Variants in ACOXL observed in about 807,000 individuals in gnomAD.
ACOXL encodes the protein acyl-coenzyme A oxidase-like protein.
A neutral mutation model predicts 71.9 loss-of-function variants in ACOXL; 70 were observed. The observed-to-expected ratio is 0.97, with a 90% CI of 0.80 to 1.19. The LOEUF is 1.19. Ranked by LOEUF, ACOXL falls within the 50% of genes most tolerant of loss-of-function variation. ACOXL has a pLI of 0.00. For synonymous variants in ACOXL, 253 were observed against 281.6 expected (o/e 0.90, Z 1.02); for missense variants, 703 against 736.3 (o/e 0.95, Z 0.52).
intron 16 of ACOXL, among the ~76,000 whole-genome samples, chr2:111,064,942 T>A (rs2066992981): frequency 6.6e-6 from 1 of 152,220 alleles, no homozygotes; most frequent in African/African-American, 2.4e-5. Flanking sequence ...CCATATCGAA[T>A]ACAGGTTTAA....
chr2:110,835,309 C>T (rs1690315648), intron 9 of ACOXL, among the ~76,000 whole-genome samples: 1 of 151,856 alleles, frequency 6.6e-6, no homozygotes, highest in Non-Finnish European at 1.5e-5. Context: ...ATGGTAACAT[C>T]ATAAAGTAAG....
At chr2:110,806,401 G>T (rs1170782755) in intron 9 of ACOXL, among the ~76,000 whole-genome samples, 1 of 152,230 alleles carries the variant, frequency 6.6e-6, no homozygotes, top group Non-Finnish European at 1.5e-5. Context: ...AGGGGCTCAG[G>T]TCCCTTGGCT....
chr2:110,919,867 C>T (rs1312096860), intron 11 of ACOXL, among the ~76,000 whole-genome samples: 1 of 152,148 alleles, frequency 6.6e-6, no homozygotes, highest in Non-Finnish European at 1.5e-5. Flanking sequence ...CAGATTCATC[C>T]ATGTCATTGT....
intron 9 of ACOXL, among the ~76,000 whole-genome samples, chr2:110,825,340 A>C (rs1689045652): frequency 6.6e-6 from 1 of 152,000 alleles, no homozygotes; most frequent in Admixed American, 6.6e-5. Context: ...CAATTAAAAA[A>C]CCGGAAAGCT....
chr2:111,013,952 T>A (rs2149680994), intron 14 of ACOXL, among the ~76,000 whole-genome samples: 1 of 152,286 alleles, frequency 6.6e-6, no homozygotes, highest in Admixed American at 6.5e-5. Context: ...AACATGTCAA[T>A]AAAATATACA....
chr2:110,776,190 C>G (rs1055926496), intron 2 of ACOXL, among the ~76,000 whole-genome samples: 1 of 152,090 alleles, frequency 6.6e-6, no homozygotes, highest in Non-Finnish European at 1.5e-5. Context: ...ATACGGTACA[C>G]TGTTACATGA....
intron 12 of ACOXL, among the ~76,000 whole-genome samples, chr2:110,986,586 G>A (rs2062943174): frequency 6.6e-6 from 1 of 152,170 alleles, no homozygotes; most frequent in African/African-American, 2.4e-5. Flanking sequence ...GGCTAGCCAT[G>A]GACATCTTCT....
rs117265189 is a variant in ACOXL at position 110,945,223 on chromosome 2, T to A, written c.1059+11581T>A. Among the ~76,000 whole-genome samples, 46 of 152,372 alleles carry A rather than the reference T, an allele frequency of 3.0e-4. No homozygotes were observed. In the East Asian group the frequency reaches 5.4e-3, roughly 18 times the overall value. Reference sequence around the variant, plus strand: ...GGTTTTTACTTGTTAATTGTTTAAGTTCCTTCTGGATGTTAGACCTTTGTT... The same window carrying A: ...GGTTTTTACTTGTTAATTGTTTAAGATCCTTCTGGATGTTAGACCTTTGTT... On this transcript the variant is annotated intron_variant, in intron 12 of 17. Transcript: ENST00000439055.
In ACOXL at chr2:110,750,737, C is replaced by G. The variant is rs573462935; in HGVS notation, c.-22-17631C>G. On this transcript the variant is annotated intron_variant, in intron 1 of 17. Coordinates refer to ENST00000439055, the MANE Select transcript of ACOXL (RefSeq NM_001142807.4). ...TTTGAGACAGGATCTTGCTCTGTTG[C>G]TCAGGCTGGAGTGCAGTGGCACAAT... 7.9e-5 allele frequency among the ~76,000 whole-genome samples: 12 copies of G among 151,380 alleles called. No individual in the cohort carries two copies. In the East Asian group the frequency reaches 2.1e-3, roughly 27 times the overall value.
intron 12 of ACOXL, among the ~76,000 whole-genome samples, chr2:110,958,605 G>C (rs547381917): frequency 1.3e-5 from 2 of 152,358 alleles, no homozygotes; most frequent in Admixed American, 6.5e-5. Flanking sequence ...TTAAAGCCAA[G>C]ACAATTCAGA....
At chr2:111,090,859 AC>A (rs1558958611) in intron 16 of ACOXL, among the ~76,000 whole-genome samples, 1 of 152,010 alleles carries the variant, frequency 6.6e-6, no homozygotes, top group East Asian at 1.9e-4. Flanking sequence ...ACTCTTCTCT[AC>A]CCTGTGTGGA....
intron 16 of ACOXL, among the ~76,000 whole-genome samples, chr2:111,091,888 T>C (rs1230872386): frequency 6.6e-6 from 1 of 152,204 alleles, no homozygotes; most frequent in Non-Finnish European, 1.5e-5. Flanking sequence ...CCACAGGGTC[T>C]GCATGACTGT....
intron 14 of ACOXL, among the ~76,000 whole-genome samples, chr2:111,006,524 G>A (rs1265317685): frequency 1.3e-5 from 2 of 151,844 alleles, no homozygotes; most frequent in African/African-American, 2.4e-5. Flanking sequence ...CTGATTGTAG[G>A]AATGTTCTTC....
chr2:110,779,599 G>T (rs1398619760), intron 2 of ACOXL, among the ~76,000 whole-genome samples: 1 of 152,200 alleles, frequency 6.6e-6, no homozygotes. Context: ...TCAAGGTCAT[G>T]GGGTATTGGC....
At chr2:110,865,157 AT>A (rs1694405078) in intron 10 of ACOXL, among the ~76,000 whole-genome samples, 2 of 152,248 alleles carry the variant, frequency 1.3e-5, no homozygotes, top group African/African-American at 4.8e-5. Flanking sequence ...AAATGTAGGT[AT>A]CAATATCGAA....
At chr2:110,974,955 G>A (rs1399859748) in intron 12 of ACOXL, among the ~76,000 whole-genome samples, 2 of 152,222 alleles carry the variant, frequency 1.3e-5, no homozygotes, top group Non-Finnish European at 2.9e-5. Context: ...GTTTGGGGTA[G>A]GACAGACCTT....
chr2:110,890,236 T>A (rs1373398781), intron 10 of ACOXL, among the ~76,000 whole-genome samples: 1 of 152,214 alleles, frequency 6.6e-6, no homozygotes, highest in Non-Finnish European at 1.5e-5. Context: ...TTTGCAAATA[T>A]CTTCTCCCAT....
intron 15 of ACOXL, among the ~76,000 whole-genome samples, chr2:111,045,491 C>T (rs536476608): frequency 7.9e-5 from 12 of 152,274 alleles, no homozygotes; most frequent in South Asian, 4.1e-4. Flanking sequence ...TGCTTCGTGC[C>T]GCCACGTGAA....
intron 11 of ACOXL, among the ~76,000 whole-genome samples, chr2:110,919,057 A>C (rs2059967889): frequency 6.6e-6 from 1 of 152,028 alleles, no homozygotes; most frequent in Non-Finnish European, 1.5e-5. Context: ...TACTGGGTAT[A>C]TACCCAAAGG....
Sources: gnomAD v4.1 joint callset for allele counts (sites outside exome capture counted in the v4.1 genomes callset) on GRCh38, gnomAD v4.1.1 for gene constraint, MANE v1.5 for transcripts, NCBI Gene and HGNC (gene_info 2026-07-23, HGNC 2026-07-21) for gene names.